The following SYT12 variants were observed in gnomAD, a reference collection of about 807,000 sequenced individuals.
SYT12 encodes the protein synaptotagmin-12.
A neutral mutation model predicts 39.5 loss-of-function variants in SYT12; 27 were observed. The ratio of observed to expected loss-of-function variants is 0.68; its 90% confidence interval spans 0.50 to 0.94. SYT12 has a LOEUF of 0.94. Among genes scored for constraint, SYT12 ranks in the 40% least tolerant of loss-of-function variants. SYT12 has a pLI of 0.00. For missense variants in SYT12, 536 were observed against 572.6 expected, an observed-to-expected ratio of 0.94 and a Z score of 0.65; for synonymous variants, 233 against 239.7, an observed-to-expected ratio of 0.97 and a Z score of 0.26.
At chr11:67,022,292 C>T (rs1411659537), upstream of SYT12, among the ~76,000 whole-genome samples, 2 of 151,834 alleles carry the variant, frequency 1.3e-5, no homozygotes, top group Non-Finnish European at 2.9e-5. Flanking sequence ...GCACTGCCAC[C>T]CTTGCACACT....
chr11:67,019,669 G>A (rs977670813), upstream of SYT12, among the ~76,000 whole-genome samples: 1 of 152,044 alleles, frequency 6.6e-6, no homozygotes, highest in South Asian at 2.1e-4. Flanking sequence ...GGCCGAGGAG[G>A]GGGGAATCAC....
In SYT12 at chr11:67,049,459, G is replaced by A. The variant is rs1421123503; in HGVS notation, c.*702G>A. Reference sequence around the variant, plus strand: ...ACCGGCCACGTGGAACACTGGCTCCGGAGTTATTCTCTGTCAAATCTACTC... The same window carrying A: ...ACCGGCCACGTGGAACACTGGCTCCAGAGTTATTCTCTGTCAAATCTACTC... On this transcript the variant is annotated 3_prime_UTR_variant, in exon 8 of 8. Coordinates refer to ENST00000527043, the MANE Select transcript of SYT12 (RefSeq NM_177963.4). The A allele has an allele frequency of 6.6e-6, 1 of 152,280 alleles. No homozygotes were observed. Among genetic ancestry groups the A allele is most frequent in the Non-Finnish European group, 1.5e-5 (1 of 68,092 alleles). The allele number at this position is 152,280 out of a possible 1,614,324, so 9.4% of individuals were successfully genotyped here.
At chr11:67,029,846 C>G in intron 1 of SYT12, 1 of 373,260 alleles carries the variant, frequency 2.7e-6, no homozygotes, top group Non-Finnish European at 4.9e-6. Flanking sequence ...AGAGAGACTC[C>G]ATCTGAAAAA....
At chr11:67,042,460 C>A (rs1950530103) in intron 4 of SYT12, among the ~76,000 whole-genome samples, 1 of 152,164 alleles carries the variant, frequency 6.6e-6, no homozygotes, top group Non-Finnish European at 1.5e-5. Flanking sequence ...CCCCTGACGC[C>A]AACAGGACAG....
intron 4 of SYT12, among the ~76,000 whole-genome samples, chr11:67,042,714 G>A (rs1002761344): frequency 2.0e-5 from 3 of 152,226 alleles, no homozygotes; most frequent in Non-Finnish European, 4.4e-5. Context: ...ATCATGAAGA[G>A]CCTGAATGCC....
upstream of SYT12, chr11:67,022,803 T>G (rs1352931230): frequency 6.6e-6 from 1 of 152,234 alleles, no homozygotes; most frequent in Non-Finnish European, 1.5e-5. Flanking sequence ...AGAGCTGACC[T>G]ACAGCTCAAT....
intron 4 of SYT12, among the ~76,000 whole-genome samples, chr11:67,041,767 G>T (rs1314667728): frequency 6.6e-6 from 1 of 152,214 alleles, no homozygotes; most frequent in African/African-American, 2.4e-5. Context: ...TCCCCCTCCA[G>T]TTTCCTTCTG....
At chr11:67,035,106 T>C (rs1950334731) in intron 3 of SYT12, among the ~76,000 whole-genome samples, 2 of 149,284 alleles carry the variant, frequency 1.3e-5, no homozygotes, top group Admixed American at 1.4e-4. Flanking sequence ...GCCTCCTGGG[T>C]TCAAGCGATT....
intron 3 of SYT12, 112 bp from the exon 4 acceptor site, chr11:67,039,699 G>C (rs544849745): frequency 6.8e-4 from 906 of 1,333,782 alleles, no homozygotes; most frequent in Middle Eastern, 4.0e-3. Context: ...TTCTGTGAAA[G>C]GGGAACTTGG....
intron 3 of SYT12, among the ~76,000 whole-genome samples, 177 bp downstream of exon 3, chr11:67,035,015 T>C (rs1431508734): frequency 1.3e-5 from 2 of 148,994 alleles, no homozygotes; most frequent in Non-Finnish European, 3.0e-5. Flanking sequence ...TTTTTTTTTT[T>C]TTTTTTTTTT....
upstream of SYT12, among the ~76,000 whole-genome samples, chr11:67,020,430 G>A (rs933294922): frequency 6.6e-6 from 1 of 152,206 alleles, no homozygotes; most frequent in Non-Finnish European, 1.5e-5. Context: ...CACATGAGAT[G>A]TGTTTGTTTT....
chr11:67,025,047 G>A (rs1487646567), intron 1 of SYT12, among the ~76,000 whole-genome samples: 3 of 152,226 alleles, frequency 2.0e-5, no homozygotes, highest in African/African-American at 7.2e-5. Flanking sequence ...CACCCCAAAA[G>A]GCCTGCCTGT....
At chr11:67,039,531 T>C (rs1030083364) in intron 3 of SYT12, among the ~76,000 whole-genome samples, 1 of 152,032 alleles carries the variant, frequency 6.6e-6, no homozygotes, top group African/African-American at 2.4e-5. Flanking sequence ...GGAGAATCAC[T>C]TGAACCCTGG....
intron 1 of SYT12, among the ~76,000 whole-genome samples, chr11:67,025,510 G>A (rs1056584413): frequency 6.6e-6 from 1 of 152,108 alleles, no homozygotes; most frequent in African/African-American, 2.4e-5. Flanking sequence ...TCTGGACACC[G>A]GGGATGCTCT....
rs200961072 is a variant in SYT12, at chr11:67,043,611, C to T, written c.622-27C>T. ...CTGCTGTGGCCTCTCAGGCCCCTAG[C>T]GCCCTCCATGGCCTTTTCTCCTGCA... On this transcript the variant is annotated intron_variant, in intron 4 of 7. Coordinates refer to ENST00000527043, the MANE Select transcript of SYT12 (RefSeq NM_177963.4). The T allele has an allele frequency of 3.9e-5, 63 of 1,610,650 alleles. No homozygotes were observed. In the Admixed American group the frequency reaches 8.7e-4, roughly 22 times the overall value.
At chr11:67,040,304 T>G in intron 4 of SYT12, 101 bp downstream of exon 4, 1 of 1,457,320 alleles carries the variant, frequency 6.9e-7, no homozygotes, top group Admixed American at 2.3e-5. Context: ...AGAAAGGCAG[T>G]AGAGTGCAAG....
At chr11:67,038,928 A>G (rs1242023980) in intron 3 of SYT12, among the ~76,000 whole-genome samples, 1 of 152,056 alleles carries the variant, frequency 6.6e-6, no homozygotes, top group African/African-American at 2.4e-5. Flanking sequence ...CAGAGGTTGC[A>G]GTGAGGCAAG....
Position 67,044,698 on chromosome 11 carries a change from G to A in SYT12, c.943G>A (p.Asp315Asn), listed in dbSNP as rs745742907. 49 of 1,613,546 alleles carry A rather than the reference G, an allele frequency of 3.0e-5. No homozygotes were observed. In the Admixed American group the frequency reaches 7.0e-4, roughly 23 times the overall value. The change falls in exon 6 of 8, where the codon GAC becomes AAC. Residue 315 changes from aspartate to asparagine, a missense_variant. Physicochemically the swap from Asp to Asn is conservative, Grantham distance 23. Coordinates refer to ENST00000527043, the MANE Select transcript of SYT12 (RefSeq NM_177963.4). ...VKAKNLIWTN[D>N]KTTADPFVKV... ...GGCCAAGAACCTCATCTGGACCAACGACAAGACCACAGCGGGTAAGGCCCA... is the reference window on the plus strand; with the variant it reads ...GGCCAAGAACCTCATCTGGACCAACAACAAGACCACAGCGGGTAAGGCCCA...
At chr11:67,035,554 T>C (rs1399838215) in intron 3 of SYT12, among the ~76,000 whole-genome samples, 1 of 148,554 alleles carries the variant, frequency 6.7e-6, no homozygotes, top group African/African-American at 2.5e-5. Flanking sequence ...GCCTCCCGGG[T>C]TCACGCCATT....
Sources: gnomAD v4.1 joint callset for allele counts (sites outside exome capture counted in the v4.1 genomes callset) on GRCh38, gnomAD v4.1.1 for gene constraint, MANE v1.5 for transcripts, NCBI Gene and HGNC (gene_info 2026-07-23, HGNC 2026-07-21) for gene names.